The following SEMA5A variants were observed in gnomAD, a reference collection of about 807,000 sequenced individuals.
The protein encoded by SEMA5A is semaphorin 5A, also known as semaphorin-5A.
SEMA5A carries 55 observed loss-of-function variants against 135.5 expected under a neutral mutation model. The observed-to-expected ratio is 0.41, with a 90% CI of 0.33 to 0.51. The LOEUF (loss-of-function observed/expected upper bound fraction) is 0.51. SEMA5A is among the 20% of genes least tolerant of loss of function. The pLI is 0.37. For missense variants in SEMA5A, 1,290 were observed against 1,419.9 expected, an observed-to-expected ratio of 0.91 and a Z score of 1.47; for synonymous variants, 580 against 546.5, an observed-to-expected ratio of 1.06 and a Z score of -0.85.
At chr5:9,384,571 C>A (rs805151) in intron 2 of SEMA5A, among the ~76,000 whole-genome samples, 1 of 80,418 alleles carries the variant, frequency 1.2e-5, no homozygotes, top group East Asian at 3.8e-4. Context: ...TAGATAGATA[C>A]ATAGATAGAT....
intron 5 of SEMA5A, among the ~76,000 whole-genome samples, chr5:9,243,911 T>A (rs1032338398): frequency 7.2e-5 from 11 of 152,164 alleles, no homozygotes; most frequent in African/African-American, 2.2e-4. Flanking sequence ...TTTAGAAAAA[T>A]ACATATCTGA....
At chr5:9,264,970 C>T (rs530180527) in intron 5 of SEMA5A, among the ~76,000 whole-genome samples, 9 of 152,236 alleles carry the variant, frequency 5.9e-5, no homozygotes, top group African/African-American at 1.9e-4. Context: ...ACCCCAAAGA[C>T]GTGAACAGAG....
intron 1 of SEMA5A, among the ~76,000 whole-genome samples, chr5:9,440,646 T>C (rs555972105): frequency 1.3e-5 from 2 of 152,348 alleles, no homozygotes; most frequent in Admixed American, 1.3e-4. Flanking sequence ...ACTCTTCAAA[T>C]TGTCTCTAGA....
intron 8 of SEMA5A, 73 bp from the exon 9 acceptor site, chr5:9,202,313 T>G: frequency 6.7e-7 from 1 of 1,503,444 alleles, no homozygotes; most frequent in South Asian, 1.3e-5. Flanking sequence ...CTGCTCAGTA[T>G]TTCATCCAAA....
intron 6 of SEMA5A, among the ~76,000 whole-genome samples, chr5:9,234,245 G>A (rs891747820): frequency 2.6e-5 from 4 of 152,164 alleles, no homozygotes; most frequent in Non-Finnish European, 4.4e-5. Flanking sequence ...GCAGTCCTTC[G>A]GAGGCTGCAT....
At position 9,225,578 on chromosome 5, in the gene SEMA5A, A is replaced by AAG. The variant is rs1747260890; in HGVS notation, c.433-692_433-691insCT. Among the ~76,000 whole-genome samples the AAG allele has an allele frequency of 2.0e-5, 3 of 151,502 alleles. No homozygotes were observed. In the South Asian group the frequency reaches 6.3e-4, roughly 32 times the overall value. On this transcript the variant is annotated intron_variant, in intron 7 of 22. Transcript: ENST00000382496. The stretch of plus-strand genomic sequence containing the variant: ...AGCGAGACTCTGTCTCAAAAAAAAA[A>AAG]AAAAAAAATTATGTATAATTCTATC...
At chr5:9,443,863 G>A (rs368849117) in intron 1 of SEMA5A, among the ~76,000 whole-genome samples, 5 of 152,216 alleles carry the variant, frequency 3.3e-5, no homozygotes, top group African/African-American at 1.2e-4. Flanking sequence ...AATTTGAAAA[G>A]GAAAAGCAAA....
chr5:9,105,404 T>C (rs1739857943), intron 16 of SEMA5A, among the ~76,000 whole-genome samples: 1 of 152,236 alleles, frequency 6.6e-6, no homozygotes, highest in South Asian at 2.1e-4. Context: ...ATACTTGAAC[T>C]TGAAATAATC....
chr5:9,510,275 A>G (rs952425175), intron 1 of SEMA5A, among the ~76,000 whole-genome samples: 4 of 152,214 alleles, frequency 2.6e-5, no homozygotes, highest in Non-Finnish European at 4.4e-5. Flanking sequence ...CACACCAAGC[A>G]CTGTGTTAGA....
At chr5:9,242,727 T>C (rs1342688195) in intron 5 of SEMA5A, among the ~76,000 whole-genome samples, 2 of 152,156 alleles carry the variant, frequency 1.3e-5, no homozygotes, top group East Asian at 1.9e-4. Context: ...AACTTACTCA[T>C]GTAACCACAT....
intron 18 of SEMA5A, among the ~76,000 whole-genome samples, chr5:9,061,784 T>C (rs961496235): frequency 3.9e-5 from 6 of 152,148 alleles, no homozygotes; most frequent in Non-Finnish European, 5.9e-5. Flanking sequence ...GAAAAACAGC[T>C]CTGCTAGGCC....
chr5:9,252,763 A>G (rs1748867386), intron 5 of SEMA5A, among the ~76,000 whole-genome samples: 1 of 152,172 alleles, frequency 6.6e-6, no homozygotes, highest in Admixed American at 6.5e-5. Context: ...ATGGTAAAAG[A>G]TGGGTTCCAA....
At chr5:9,379,554 A>T (rs753369412) in intron 3 of SEMA5A, among the ~76,000 whole-genome samples, 12 of 152,240 alleles carry the variant, frequency 7.9e-5, no homozygotes, top group Non-Finnish European at 1.5e-4. Flanking sequence ...GGAGGCCCAC[A>T]GTACCTGTTA....
chr5:9,436,356 A>T (rs1758031035), intron 2 of SEMA5A, among the ~76,000 whole-genome samples: 2 of 152,196 alleles, frequency 1.3e-5, no homozygotes, highest in African/African-American at 2.4e-5. Context: ...CGGTTAAGAC[A>T]CTATGTGAAC....
At chr5:9,046,497 C>G (rs897268898) in intron 21 of SEMA5A, among the ~76,000 whole-genome samples, 2 of 152,200 alleles carry the variant, frequency 1.3e-5, no homozygotes, top group African/African-American at 2.4e-5. Context: ...TACTTGGTGT[C>G]AAAGGGAGGG....
At chr5:9,384,872 G>A (rs1310387608) in intron 2 of SEMA5A, among the ~76,000 whole-genome samples, 2 of 152,112 alleles carry the variant, frequency 1.3e-5, no homozygotes, top group African/African-American at 4.8e-5. Flanking sequence ...AATTTGTGTT[G>A]AGTCATTCAG....
chr5:9,081,849 A>G (rs371614371), intron 16 of SEMA5A, among the ~76,000 whole-genome samples: 2 of 152,332 alleles, frequency 1.3e-5, no homozygotes, highest in East Asian at 1.9e-4. Context: ...TTGAGTAAGT[A>G]TCTTCTGCTT....
At chr5:9,281,741 T>C (rs576152714) in intron 5 of SEMA5A, among the ~76,000 whole-genome samples, 17 of 152,054 alleles carry the variant, frequency 1.1e-4, no homozygotes, top group African/African-American at 3.6e-4. Flanking sequence ...GAGATACTGC[T>C]GTCCAAGACC....
chr5:9,386,648 AC>A (rs1755905358), intron 2 of SEMA5A, among the ~76,000 whole-genome samples: 1 of 152,044 alleles, frequency 6.6e-6, no homozygotes, highest in Non-Finnish European at 1.5e-5. Flanking sequence ...CTTTCCAGAA[AC>A]CCAGATGGGA....
Sources: allele counts gnomAD v4.1 joint callset (sites outside exome capture counted in the v4.1 genomes callset), GRCh38; gene constraint gnomAD v4.1.1; transcripts MANE v1.5; gene names NCBI Gene and HGNC (gene_info 2026-07-23, HGNC 2026-07-21).